The following ZFR variants were observed in gnomAD, a reference collection of about 807,000 sequenced individuals.
The protein encoded by ZFR is zinc finger RNA binding protein, also known as zinc finger RNA-binding protein.
Under a neutral mutation model 130.7 loss-of-function variants are expected in ZFR, and 19 were observed. That is an observed-to-expected ratio of 0.15 (90% CI 0.10 to 0.21). The LOEUF (loss-of-function observed/expected upper bound fraction) is 0.21, where lower values mean the gene tolerates loss of function less well. Ranked by LOEUF, ZFR falls within the 10% of genes least tolerant of loss-of-function variation. The pLI is 1.00. For missense variants in ZFR, 872 were observed against 1,321.5 expected, an observed-to-expected ratio of 0.66 and a Z score of 5.27; for synonymous variants, 466 against 456.9, an observed-to-expected ratio of 1.02 and a Z score of -0.25.
rs1752260656 is a variant in ZFR at position 32,354,400 on chromosome 5, A to G, written c.*1360T>C. 1 of 152,658 alleles carries G rather than the reference A, an allele frequency of 6.6e-6. No individual in the cohort carries two copies. The highest frequency in any genetic ancestry group is 2.1e-4 in the South Asian group (1 of 4,838). The allele number at this position is 152,658 out of a possible 1,614,324, so 9.5% of individuals were successfully genotyped here. A position where few individuals can be genotyped will look rare whatever the true frequency, so the allele number is the denominator to read the frequency against. On this transcript the variant is annotated 3_prime_UTR_variant, in exon 20 of 20. Coordinates refer to ENST00000265069, the MANE Select transcript of ZFR (RefSeq NM_016107.5). ...GCATACATCATTTCAAAGCAAAAGT[A>G]GTTTATGTTGTCAATTCTAACATAT...
intron 2 of ZFR, among the ~76,000 whole-genome samples, chr5:32,443,904 G>A (rs965714603): frequency 6.6e-6 from 1 of 152,222 alleles, no homozygotes; most frequent in African/African-American, 2.4e-5. Flanking sequence ...CCTGCCGGGC[G>A]GCGGTGGCGG....
chr5:32,356,779 T>C lies in ZFR; in HGVS notation c.3046-840A>G, dbSNP rs191528312. The stretch of plus-strand genomic sequence containing the variant: ...TTGTTTTAAGATGTTTCTGTGCACT[T>C]AATGTGACAAGTTCTGGAGAAAGAA... On this transcript the variant is annotated intron_variant, in intron 19 of 19. Transcript: ENST00000265069. 5.9e-5 allele frequency among the ~76,000 whole-genome samples: 9 copies of C among 152,202 alleles called. 1 individual carries two copies. The East Asian group carries it at 1.5e-3, about 26-fold the overall frequency.
chr5:32,423,773 CA>C (rs1334667151), intron 2 of ZFR, among the ~76,000 whole-genome samples: 2 of 152,000 alleles, frequency 1.3e-5, no homozygotes, highest in African/African-American at 4.8e-5. Context: ...CTTTTCAAGA[CA>C]AAAAGATCCT....
intron 5 of ZFR, among the ~76,000 whole-genome samples, chr5:32,411,874 A>G (rs1581704221): frequency 6.6e-6 from 1 of 152,270 alleles, no homozygotes; most frequent in Non-Finnish European, 1.5e-5. Context: ...CATTTTATAT[A>G]TGTGACTTGA....
intron 17 of ZFR, chr5:32,364,826 T>G (rs1752508506): frequency 6.6e-6 from 1 of 152,186 alleles, no homozygotes; most frequent in South Asian, 2.1e-4. Context: ...AAATTTGTAT[T>G]TAGATTTTTA....
rs538304975 is a variant in ZFR, at chr5:32,420,154, G to C, written c.138-51C>G. 64 of 1,382,160 alleles carry C rather than the reference G, an allele frequency of 4.6e-5. 1 individual carries two copies. In the East Asian group the frequency reaches 1.5e-3, roughly 33 times the overall value. The allele number at this position is 1,382,160 out of a possible 1,614,324, so 85.6% of individuals were successfully genotyped here. A position where few individuals can be genotyped will look rare whatever the true frequency, so the allele number is the denominator to read the frequency against. On this transcript the variant is annotated intron_variant, in intron 2 of 19. Transcript: ENST00000265069. ...TATAATACAATTTTAATATCCAGGA[G>C]TTAACCAACTTCAATTAAAAGCTAT...
chr5:32,440,820 T>G (rs1480631154), intron 2 of ZFR, among the ~76,000 whole-genome samples: 1 of 152,188 alleles, frequency 6.6e-6, no homozygotes, highest in African/African-American at 2.4e-5. Flanking sequence ...ACTTGACAAA[T>G]TCATTATTAC....
intron 2 of ZFR, among the ~76,000 whole-genome samples, chr5:32,431,673 C>T (rs1754220196): frequency 6.6e-6 from 1 of 151,470 alleles, no homozygotes; most frequent in South Asian, 2.1e-4. Context: ...AAGTTTAATG[C>T]TCAACAGTGT....
At chr5:32,420,387 T>C (rs1753924965) in intron 2 of ZFR, among the ~76,000 whole-genome samples, 1 of 151,916 alleles carries the variant, frequency 6.6e-6, no homozygotes, top group African/African-American at 2.4e-5. Flanking sequence ...ATAACAGGAA[T>C]TAAAAACTAG....
intron 2 of ZFR, among the ~76,000 whole-genome samples, chr5:32,434,150 T>C (rs1754281793): frequency 6.6e-6 from 1 of 152,230 alleles, no homozygotes; most frequent in South Asian, 2.1e-4. Flanking sequence ...CCTCACAGAA[T>C]ATTATAAAAC....
intron 2 of ZFR, among the ~76,000 whole-genome samples, chr5:32,429,713 AAC>A (rs1754160625): frequency 1.3e-5 from 2 of 152,262 alleles, no homozygotes; most frequent in South Asian, 4.1e-4. Context: ...GGTCACACAA[AAC>A]ACATATTCTT....
chr5:32,429,318 G>A (rs968368897), intron 2 of ZFR, among the ~76,000 whole-genome samples: 1 of 152,098 alleles, frequency 6.6e-6, no homozygotes, highest in Non-Finnish European at 1.5e-5. Context: ...GAACTGTAAG[G>A]AAACTTTTTC....
At position 32,354,542 on chromosome 5, in the gene ZFR, T is replaced by C. The variant is rs1752264124; in HGVS notation, c.*1218A>G. Reference sequence around the variant, plus strand: ...ATATATCAACAGTAAGATGTAATTTTTCATTACATCACTGCTAGAATATTT... The same window carrying C: ...ATATATCAACAGTAAGATGTAATTTCTCATTACATCACTGCTAGAATATTT... On this transcript the variant is annotated 3_prime_UTR_variant, in exon 20 of 20. Transcript: ENST00000265069. 1 of 152,662 alleles carries C rather than the reference T, an allele frequency of 6.6e-6. No individual in the cohort carries two copies. The highest frequency in any genetic ancestry group is 2.4e-5 in the African/African-American group (1 of 41,458). 9.5% of individuals were successfully genotyped at this position (152,662 alleles called of 1,614,324 possible). A position where few individuals can be genotyped will look rare whatever the true frequency, so the allele number is the denominator to read the frequency against.
At chr5:32,368,241 T>C (rs1327223329) in intron 17 of ZFR, among the ~76,000 whole-genome samples, 1 of 610 alleles carries the variant, frequency 1.6e-3, no homozygotes, top group East Asian at 0.045. Flanking sequence ...ATCAAAACTT[T>C]TTTCCCCCCC....
intron 12 of ZFR, among the ~76,000 whole-genome samples, chr5:32,389,037 T>A (rs577632418): frequency 2.6e-5 from 4 of 152,338 alleles, no homozygotes; most frequent in African/African-American, 9.6e-5. Context: ...CAAAGATAAA[T>A]GAGAGAACAG....
Position 32,366,260 on chromosome 5 carries a change from G to A in ZFR, c.2836-1985C>T, listed in dbSNP as rs114498529. The stretch of plus-strand genomic sequence containing the variant: ...ACACAAAATTGAAGTCATAAAATAC[G>A]TAACTTTCGATAAATGCCTCAAATT... On this transcript the variant is annotated intron_variant, in intron 17 of 19. Coordinates refer to ENST00000265069, the MANE Select transcript of ZFR (RefSeq NM_016107.5). 6.7e-3 allele frequency among the ~76,000 whole-genome samples: 1,018 copies of A among 152,250 alleles called. 11 individuals are homozygous for A. Among genetic ancestry groups the A allele is most frequent in the African/African-American group, 0.023 (958 of 41,538 alleles).
chr5:32,419,017 T>A (rs1224402116), intron 3 of ZFR, among the ~76,000 whole-genome samples: 1 of 152,208 alleles, frequency 6.6e-6, no homozygotes, highest in Non-Finnish European at 1.5e-5. Flanking sequence ...AAGAACATCT[T>A]GACAGGATAA....
chr5:32,435,669 T>C (rs1173459800), intron 2 of ZFR, among the ~76,000 whole-genome samples: 1 of 152,254 alleles, frequency 6.6e-6, no homozygotes, highest in Non-Finnish European at 1.5e-5. Context: ...AAAAGGGTCA[T>C]ATTTCTTCAA....
At chr5:32,425,816 G>A (rs889121766) in intron 2 of ZFR, among the ~76,000 whole-genome samples, 5 of 152,138 alleles carry the variant, frequency 3.3e-5, no homozygotes, top group South Asian at 2.1e-4. Context: ...ATGAGCCACC[G>A]TGCCCAGCCT....
Sources: allele counts gnomAD v4.1 joint callset (sites outside exome capture counted in the v4.1 genomes callset), GRCh38; gene constraint gnomAD v4.1.1; transcripts MANE v1.5; gene names NCBI Gene and HGNC (gene_info 2026-07-23, HGNC 2026-07-21).